Variants in ANKRD30BL observed in about 807,000 individuals in gnomAD.
ANKRD30BL encodes putative ankyrin repeat domain-containing protein 30B-like.
ANKRD30BL carries 20 observed loss-of-function variants against 18.4 expected under a neutral mutation model. That is an observed-to-expected ratio of 1.09 (90% CI 0.77 to 1.58). The LOEUF is 1.58. ANKRD30BL is among the 40% of genes most tolerant of loss of function. The pLI is 0.00. For missense variants in ANKRD30BL, 224 were observed against 268.6 expected (o/e 0.83, Z 1.16); for synonymous variants, 72 against 100.9 (o/e 0.71, Z 1.72).
intron 1 of ANKRD30BL, among the ~76,000 whole-genome samples, chr2:132,242,416 G>A (rs1301905479): frequency 6.6e-6 from 1 of 151,776 alleles, no homozygotes; most frequent in East Asian, 1.9e-4. Flanking sequence ...TCTCTATGAT[G>A]TTTGCATTCA....
At chr2:132,235,718 G>A (rs1253110664) in intron 1 of ANKRD30BL, among the ~76,000 whole-genome samples, 3 of 152,130 alleles carry the variant, frequency 2.0e-5, no homozygotes, top group Admixed American at 1.3e-4. Context: ...AACATTCCAT[G>A]CTCATGGGTA....
At chr2:132,150,816 A>G (rs1478706871) in intron 5 of ANKRD30BL, 96 bp downstream of exon 5, 3 of 465,020 alleles carry the variant, frequency 6.5e-6, no homozygotes, top group Admixed American at 4.4e-5. Context: ...AACACATGCT[A>G]CTTACACATT....
rs139070774 is a variant in ANKRD30BL, at chr2:132,250,015, C to A, written n.441+7514G>T. 2.6e-3 allele frequency among the ~76,000 whole-genome samples: 401 copies of A among 152,036 alleles called. 4 individuals are homozygous for A. Among genetic ancestry groups the A allele is most frequent in the African/African-American group, 9.2e-3 (380 of 41,484 alleles). ...TCCTTTTTCACCATAGGCCTCAAAGCGCTCACAAATATCCCTCTGCACATT... is the reference window on the plus strand; with the variant it reads ...TCCTTTTTCACCATAGGCCTCAAAGAGCTCACAAATATCCCTCTGCACATT... On this transcript the variant is annotated intron_variant and non_coding_transcript_variant, in intron 1 of 4. Transcript: ENST00000470729.
chr2:132,236,874 C>T (rs1262905097), intron 1 of ANKRD30BL, among the ~76,000 whole-genome samples: 2 of 151,400 alleles, frequency 1.3e-5, no homozygotes, highest in Non-Finnish European at 2.9e-5. Flanking sequence ...TGGAACCAAC[C>T]CAAATGTCCA....
chr2:132,161,635 A>C lies in ANKRD30BL; in HGVS notation c.71T>G (p.Leu24Arg). 6.9e-7 allele frequency: 1 copy of C among 1,452,628 alleles called. No individual in the cohort carries two copies. The highest frequency in any genetic ancestry group is 9.4e-7 in the Non-Finnish European group (1 of 1,059,752). The allele number at this position is 1,452,628 out of a possible 1,614,324, so 90.0% of individuals were successfully genotyped here. A position where few individuals can be genotyped will look rare whatever the true frequency, so the allele number is the denominator to read the frequency against. The change falls in exon 1 of 6, where the codon CTG becomes CGG. Residue 24 changes from leucine to arginine, a missense_variant. Leu to Arg is a moderately radical substitution (Grantham distance 102, BLOSUM62 -2). Coordinates refer to ENST00000409867, the MANE Select transcript of ANKRD30BL (RefSeq NM_001358416.1). ...GPERPSPFSQLVYTNNDSYVI... is the reference protein window; with the variant it reads ...GPERPSPFSQRVYTNNDSYVI... ...GTAAGAGTCGTTGTTGGTGTAGACC[A>C]GCTGACTGAAGGGGCTCGGGCGCTC... is the stretch of plus-strand genomic sequence containing the variant.
chr2:132,187,153 G>T (rs185741488), intron 1 of ANKRD30BL, among the ~76,000 whole-genome samples: 17 of 147,102 alleles, frequency 1.2e-4, no homozygotes, highest in Admixed American at 3.4e-4. Flanking sequence ...ATCTAATCAT[G>T]CATCGTAGGA....
At chr2:132,192,884 G>GGGTT (rs1558926399) in intron 1 of ANKRD30BL, among the ~76,000 whole-genome samples, 6 of 152,218 alleles carry the variant, frequency 3.9e-5, no homozygotes, top group Non-Finnish European at 7.3e-5. Context: ...ACTTTACATA[G>GGGTT]AAGAAACATG....
chr2:132,201,623 A>AT (rs1261624029), intron 1 of ANKRD30BL, among the ~76,000 whole-genome samples: 6 of 152,212 alleles, frequency 3.9e-5, no homozygotes, highest in Non-Finnish European at 1.5e-5. Flanking sequence ...AATGGCAATC[A>AT]TTAAAAAGTC....
intron 1 of ANKRD30BL, among the ~76,000 whole-genome samples, chr2:132,168,883 G>A (rs1372587234): frequency 5.3e-5 from 6 of 112,388 alleles, no homozygotes; most frequent in Non-Finnish European, 1.1e-4. Flanking sequence ...CTTCAATGAA[G>A]CTAGAAAGAA....
In ANKRD30BL at chr2:132,224,665, G is replaced by A. The variant is rs551836633; in HGVS notation, n.441+32864C>T. 2.4e-3 allele frequency among the ~76,000 whole-genome samples: 361 copies of A among 152,100 alleles called. 1 individual carries two copies. The highest frequency in any genetic ancestry group is 8.2e-3 in the African/African-American group (340 of 41,530). ...ATCTTCACTTAAAAACTAGACAGAA[G>A]CACTCTCAGAAACTTCTTTTTGGTA... On this transcript the variant is annotated intron_variant and non_coding_transcript_variant, in intron 1 of 4. Transcript: ENST00000470729.
intron 1 of ANKRD30BL, among the ~76,000 whole-genome samples, chr2:132,200,831 C>A (rs559513161): frequency 1.3e-5 from 2 of 152,022 alleles, no homozygotes; most frequent in African/African-American, 2.4e-5. Context: ...GAGCCCGCAT[C>A]GCCAAGTCAA....
Position 132,148,191 on chromosome 2 carries a change from G to A in ANKRD30BL, c.717C>T (p.Pro239=), listed in dbSNP as rs769730170. The A allele has an allele frequency of 1.2e-6, 2 of 1,605,666 alleles. No individual in the cohort carries two copies. Among genetic ancestry groups the A allele is most frequent in the East Asian group, 2.2e-5 (1 of 44,764 alleles). ...CCGTGTCAGGTGTTCTTTCCGCCAA[G>A]GGTGCAGCCTCATCAGGTGTTCCTT... The part of the protein sequence containing the change: ...TSEGTPDEAA[P]LAERTPDTAE... The change falls in exon 6 of 6, where the codon CCC becomes CCT. Residue 239 remains proline (P), a synonymous_variant. Coordinates refer to ENST00000409867, the MANE Select transcript of ANKRD30BL (RefSeq NM_001358416.1).
chr2:132,226,865 T>G (rs1337718070), intron 1 of ANKRD30BL, among the ~76,000 whole-genome samples: 1 of 152,112 alleles, frequency 6.6e-6, no homozygotes, highest in African/African-American at 2.4e-5. Context: ...AGGAAATATC[T>G]TCACATAAAA....
chr2:132,250,801 A>G (rs113565224), intron 1 of ANKRD30BL, among the ~76,000 whole-genome samples: 3 of 151,718 alleles, frequency 2.0e-5, no homozygotes, highest in Admixed American at 1.3e-4. Flanking sequence ...ATTGTCTTAC[A>G]AAGATCCTAT....
At chr2:132,173,429 A>G (rs948777443) in intron 1 of ANKRD30BL, among the ~76,000 whole-genome samples, 2 of 150,814 alleles carry the variant, frequency 1.3e-5, no homozygotes, top group African/African-American at 4.9e-5. Context: ...CATCCTAAGT[A>G]GCTGGGACTA....
intron 1 of ANKRD30BL, among the ~76,000 whole-genome samples, chr2:132,182,231 C>A (rs540662835): frequency 7.4e-4 from 113 of 151,914 alleles, no homozygotes; most frequent in Admixed American, 1.4e-3. Flanking sequence ...AGCCTGTATC[C>A]CAGGACTTTT....
intron 1 of ANKRD30BL, among the ~76,000 whole-genome samples, chr2:132,172,810 T>C (rs1319763900): frequency 6.6e-6 from 1 of 151,788 alleles, no homozygotes; most frequent in African/African-American, 2.4e-5. Context: ...CAGGTTCAAG[T>C]GATTCTTTTG....
Position 132,230,718 on chromosome 2 carries a change from C to A in ANKRD30BL, n.441+26811G>T, listed in dbSNP as rs567576625. ...TGTGCATTAAACTCACAGATTTGAACCTTGCTTTTGATAGAGCAGATTTGA... is the reference window on the plus strand; with the variant it reads ...TGTGCATTAAACTCACAGATTTGAAACTTGCTTTTGATAGAGCAGATTTGA... On this transcript the variant is annotated intron_variant and non_coding_transcript_variant, in intron 1 of 4. Coordinates refer to the ANKRD30BL transcript ENST00000470729. Among the ~76,000 whole-genome samples the A allele has an allele frequency of 1.7e-3, 257 of 152,012 alleles. 1 individual carries two copies. The highest frequency in any genetic ancestry group is 5.9e-3 in the African/African-American group (244 of 41,476).
At chr2:132,229,869 C>T (rs201852317) in intron 1 of ANKRD30BL, among the ~76,000 whole-genome samples, 1 of 152,088 alleles carries the variant, frequency 6.6e-6, no homozygotes, top group Middle Eastern at 3.4e-3. Context: ...GTTGAAACTT[C>T]CTTTCCATAG....
Sources: allele counts gnomAD v4.1 joint callset (sites outside exome capture counted in the v4.1 genomes callset), GRCh38; gene constraint gnomAD v4.1.1; transcripts MANE v1.5; gene names NCBI Gene and HGNC (gene_info 2026-07-23, HGNC 2026-07-21).